Variants in METTL15 observed in about 807,000 individuals in gnomAD.
METTL15 encodes 12S rRNA N(4)-cytidine methyltransferase METTL15.
In METTL15, 34 loss-of-function variants were observed where a neutral mutation model predicts 38.3. The ratio of observed to expected loss-of-function variants is 0.89; its 90% CI spans 0.68 to 1.18. The LOEUF is 1.18. Among genes scored for constraint, METTL15 ranks in the 50% most tolerant of loss-of-function variants. METTL15 has a pLI of 0.00. For synonymous variants in METTL15, 162 were observed against 170.9 expected (o/e 0.95, Z 0.41); for missense variants, 438 against 498.4 (o/e 0.88, Z 1.15).
At chr11:28,318,144 T>C (rs1857543639) in intron 6 of METTL15, among the ~76,000 whole-genome samples, 1 of 152,206 alleles carries the variant, frequency 6.6e-6, no homozygotes, top group South Asian at 2.1e-4. Context: ...AGGGAGTTCA[T>C]GAATTTCCAC....
intron 3 of METTL15, among the ~76,000 whole-genome samples, chr11:28,182,615 A>C (rs1851333463): frequency 1.3e-5 from 2 of 151,956 alleles, no homozygotes; most frequent in African/African-American, 4.8e-5. Context: ...ATTGGTCTAT[A>C]TATCTGTTTT....
intron 6 of METTL15, among the ~76,000 whole-genome samples, chr11:28,493,799 G>C (rs892803320): frequency 2.6e-5 from 4 of 152,152 alleles, no homozygotes; most frequent in African/African-American, 7.2e-5. Flanking sequence ...ACATTATCTT[G>C]TTATCATTTG....
At chr11:28,237,519 G>GT (rs1464333320) in intron 4 of METTL15, among the ~76,000 whole-genome samples, 1 of 151,974 alleles carries the variant, frequency 6.6e-6, no homozygotes, top group Non-Finnish European at 1.5e-5. Flanking sequence ...TTTTTTCAAC[G>GT]TTTTCAGCTC....
chr11:28,367,601 T>G (rs1195736632), intron 5 of METTL15, among the ~76,000 whole-genome samples: 1 of 152,156 alleles, frequency 6.6e-6, no homozygotes, highest in Non-Finnish European at 1.5e-5. Context: ...AAAACTACTT[T>G]AAACGTCATA....
intron 6 of METTL15, among the ~76,000 whole-genome samples, chr11:28,449,112 A>G (rs981167214): frequency 1.3e-5 from 2 of 152,160 alleles, no homozygotes; most frequent in Non-Finnish European, 2.9e-5. Context: ...TTCTGGGATC[A>G]TTGCGCTATT....
At chr11:28,162,379 A>G (rs926148066) in intron 3 of METTL15, among the ~76,000 whole-genome samples, 1 of 152,196 alleles carries the variant, frequency 6.6e-6, no homozygotes, top group Non-Finnish European at 1.5e-5. Flanking sequence ...AGTTTAGAAA[A>G]GGCCACTAGA....
At chr11:28,469,830 T>C (rs1851288294) in intron 6 of METTL15, among the ~76,000 whole-genome samples, 1 of 152,106 alleles carries the variant, frequency 6.6e-6, no homozygotes. Flanking sequence ...CACGGGAATG[T>C]AACATAGGGA....
intron 4 of METTL15, among the ~76,000 whole-genome samples, chr11:28,280,141 C>CT (rs957572350): frequency 6.6e-6 from 1 of 152,040 alleles, no homozygotes; most frequent in African/African-American, 2.4e-5. Flanking sequence ...CTTTCCATTG[C>CT]TTTTTTTCCC....
intron 4 of METTL15, among the ~76,000 whole-genome samples, chr11:28,222,817 A>G (rs1257902653): frequency 6.6e-6 from 1 of 152,230 alleles, no homozygotes; most frequent in East Asian, 1.9e-4. Flanking sequence ...TTTGAAAAAT[A>G]AATGTTAGTA....
intron 4 of METTL15, among the ~76,000 whole-genome samples, chr11:28,229,127 T>C (rs1233048440): frequency 6.6e-6 from 1 of 152,022 alleles, no homozygotes; most frequent in Non-Finnish European, 1.5e-5. Context: ...GCAATTTGTT[T>C]ATCATAACAT....
At chr11:28,236,704 C>G (rs892947391) in intron 4 of METTL15, among the ~76,000 whole-genome samples, 1 of 152,134 alleles carries the variant, frequency 6.6e-6, no homozygotes, top group Non-Finnish European at 1.5e-5. Context: ...TCTCGATGTT[C>G]TTTACATTTT....
intron 3 of METTL15, among the ~76,000 whole-genome samples, chr11:28,185,769 T>C (rs1851471418): frequency 6.6e-6 from 1 of 151,098 alleles, no homozygotes; most frequent in Admixed American, 6.6e-5. Context: ...TAAATATTTT[T>C]AGAGCTTTAA....
At chr11:28,293,921 T>G (rs1856626921) in intron 5 of METTL15, among the ~76,000 whole-genome samples, 1 of 152,232 alleles carries the variant, frequency 6.6e-6, no homozygotes, top group African/African-American at 2.4e-5. Flanking sequence ...CCTGAGACTT[T>G]GCTGAAGTTG....
chr11:28,194,178 C>CTTTTTT (rs1373046857), intron 3 of METTL15, among the ~76,000 whole-genome samples: 10 of 12,286 alleles, frequency 8.1e-4, no homozygotes, highest in South Asian at 4.9e-3. Context: ...CTTTCTTTTT[C>CTTTTTT]TCTCTCTCTC....
At chr11:28,353,931 C>CAAAAAAAAAAAA in intron 4 of METTL15, among the ~76,000 whole-genome samples, 1 of 46,354 alleles carries the variant, frequency 2.2e-5, no homozygotes, top group Non-Finnish European at 4.4e-5. Flanking sequence ...GACTCCGTCT[C>CAAAAAAAAAAAA]AAAAAAAAAA....
At chr11:28,457,037 C>T (rs1271836906) in intron 6 of METTL15, among the ~76,000 whole-genome samples, 1 of 152,114 alleles carries the variant, frequency 6.6e-6, no homozygotes, top group Non-Finnish European at 1.5e-5. Flanking sequence ...TTGTTTTATG[C>T]CATTGAATTT....
At chr11:28,368,125 T>C (rs376219188) in intron 5 of METTL15, among the ~76,000 whole-genome samples, 66 of 29,404 alleles carry the variant, frequency 2.2e-3, no homozygotes, top group Middle Eastern at 0.028. Flanking sequence ...AGCTTCTGCA[T>C]AGCAAAAAAA....
intron 3 of METTL15, among the ~76,000 whole-genome samples, chr11:28,204,580 T>G (rs1376529072): frequency 6.6e-6 from 1 of 151,696 alleles, no homozygotes; most frequent in Admixed American, 6.6e-5. Context: ...ACTTCATGAC[T>G]TAATAAGACA....
At chr11:28,440,232 C>T (rs758011221) in intron 6 of METTL15, among the ~76,000 whole-genome samples, 2 of 151,864 alleles carry the variant, frequency 1.3e-5, no homozygotes, top group African/African-American at 4.8e-5. Context: ...GGAACTAAGA[C>T]CTAGAGGAGA....
Sources: gnomAD v4.1 joint callset for allele counts (sites outside exome capture counted in the v4.1 genomes callset) on GRCh38, gnomAD v4.1.1 for gene constraint, MANE v1.5 for transcripts, NCBI Gene and HGNC (gene_info 2026-07-23, HGNC 2026-07-21) for gene names.